Variants in SYT1 observed in about 807,000 individuals in gnomAD.
SYT1 encodes the protein synaptotagmin 1, also known as synaptotagmin-1.
In SYT1, 8 loss-of-function variants were observed where a neutral mutation model predicts 44.8. The observed-to-expected ratio is 0.18, with a 90% confidence interval of 0.10 to 0.32. The LOEUF (loss-of-function observed/expected upper bound fraction) is 0.32, where lower values mean the gene tolerates loss of function less well. Among genes scored for constraint, SYT1 ranks in the 10% least tolerant of loss-of-function variants. The probability of loss-of-function intolerance (pLI) is 1.00; values close to 1 mark genes in which losing one functional copy is unlikely to be tolerated. For synonymous variants in SYT1, 154 were observed against 188.8 expected (o/e 0.82, Z 1.51); for missense variants, 286 against 509.3 (o/e 0.56, Z 4.22).
chr12:79,422,203 T>C (rs1869163039), intron 9 of SYT1, among the ~76,000 whole-genome samples: 1 of 152,234 alleles, frequency 6.6e-6, no homozygotes, highest in South Asian at 2.1e-4. Flanking sequence ...ATCTTTGAGC[T>C]CTTGTTTTTC....
At chr12:79,346,623 G>A (rs1882618365) in intron 8 of SYT1, among the ~76,000 whole-genome samples, 1 of 152,138 alleles carries the variant, frequency 6.6e-6, no homozygotes, top group African/African-American at 2.4e-5. Context: ...CTCCAGAAAT[G>A]GTTTTGTTTC....
intron 3 of SYT1, among the ~76,000 whole-genome samples, chr12:79,084,576 GA>G (rs747573831): frequency 8.2e-4 from 125 of 152,250 alleles, no homozygotes; most frequent in Non-Finnish European, 1.3e-3. Context: ...TGGACTTGCA[GA>G]GGATATGACA....
At chr12:79,075,684 G>T (rs1023975356) in intron 3 of SYT1, among the ~76,000 whole-genome samples, 2 of 152,052 alleles carry the variant, frequency 1.3e-5, no homozygotes, top group African/African-American at 4.8e-5. Flanking sequence ...TCTGCAGTTT[G>T]TGATACAACT....
At chr12:79,438,354 G>A (rs907132972) in intron 9 of SYT1, among the ~76,000 whole-genome samples, 3 of 152,184 alleles carry the variant, frequency 2.0e-5, no homozygotes, top group African/African-American at 7.2e-5. Context: ...ACTAGGTGGA[G>A]GTGATAGTTC....
chr12:79,118,316 A>C (rs1379826539), intron 3 of SYT1, among the ~76,000 whole-genome samples: 1 of 152,234 alleles, frequency 6.6e-6, no homozygotes, highest in Non-Finnish European at 1.5e-5. Context: ...TCAAGAAATC[A>C]GCAGTCTCTA....
intron 10 of SYT1, among the ~76,000 whole-genome samples, chr12:79,447,886 G>A (rs1160891892): frequency 6.6e-6 from 1 of 151,934 alleles, no homozygotes; most frequent in Non-Finnish European, 1.5e-5. Flanking sequence ...TCCACTAAAG[G>A]GCCCTAACTC....
chr12:78,924,122 A>G (rs1472482315), intron 1 of SYT1, among the ~76,000 whole-genome samples: 3 of 151,878 alleles, frequency 2.0e-5, no homozygotes, highest in Non-Finnish European at 4.4e-5. Context: ...TATTCTATGC[A>G]CTTTTGGTGG....
chr12:79,082,640 A>C (rs1867395663), intron 3 of SYT1, among the ~76,000 whole-genome samples: 1 of 152,222 alleles, frequency 6.6e-6, no homozygotes, highest in Non-Finnish European at 1.5e-5. Context: ...GATGGCTTGA[A>C]TATATCCCTG....
At chr12:79,281,268 T>C (rs1354048106) in intron 4 of SYT1, among the ~76,000 whole-genome samples, 1 of 152,024 alleles carries the variant, frequency 6.6e-6, no homozygotes. Context: ...CATCAATGGA[T>C]GAGTGGATAA....
At chr12:79,250,514 C>G (rs1253289393) in intron 4 of SYT1, among the ~76,000 whole-genome samples, 3 of 152,160 alleles carry the variant, frequency 2.0e-5, no homozygotes, top group African/African-American at 7.2e-5. Flanking sequence ...TGGTATATCT[C>G]TGCAGTGTTT....
intron 3 of SYT1, among the ~76,000 whole-genome samples, chr12:79,181,899 T>C (rs1233747793): frequency 3.3e-5 from 5 of 152,032 alleles, no homozygotes; most frequent in African/African-American, 1.2e-4. Context: ...CTCTTTCTCC[T>C]AGACAACCCC....
rs371833375 is a variant in SYT1 at position 79,178,948 on chromosome 12, A to ATCTATATC, written c.-17-38555_-17-38554insTCTATATC. 1.3e-4 allele frequency among the ~76,000 whole-genome samples: 7 copies of ATCTATATC among 53,298 alleles called. 2 individuals carry two copies. Among genetic ancestry groups the ATCTATATC allele is most frequent in the Middle Eastern group, 0.029 (2 of 70 alleles). The allele number at this position is 53,298 out of a possible 152,430, so 35.0% of individuals were successfully genotyped here. A position where few individuals can be genotyped will look rare whatever the true frequency, so the allele number is the denominator to read the frequency against. ...GATATATCTATATAGATATAGATAT[A>ATCTATATC]GATATAGATATAGATATAGATATAT... On this transcript the variant is annotated intron_variant, in intron 3 of 10. Coordinates refer to ENST00000261205, the MANE Select transcript of SYT1 (RefSeq NM_005639.3).
intron 1 of SYT1, 101 bp downstream of exon 1, chr12:78,865,210 G>A (rs376410081): frequency 6.6e-6 from 1 of 152,208 alleles, no homozygotes; most frequent in African/African-American, 2.4e-5. Flanking sequence ...TTTAGTGGTG[G>A]GAGTCTGAGA....
At chr12:79,100,867 C>T (rs1053579900) in intron 3 of SYT1, among the ~76,000 whole-genome samples, 1 of 151,804 alleles carries the variant, frequency 6.6e-6, no homozygotes, top group African/African-American at 2.4e-5. Flanking sequence ...TGGTTTAATC[C>T]TTATATGTAA....
intron 1 of SYT1, among the ~76,000 whole-genome samples, chr12:78,865,349 T>C (rs1245679911): frequency 2.0e-5 from 3 of 152,086 alleles, no homozygotes; most frequent in African/African-American, 4.8e-5. Flanking sequence ...CCCCATCTTC[T>C]TGCTTCCTCT....
At chr12:79,441,788 A>C (rs940641881) in intron 9 of SYT1, among the ~76,000 whole-genome samples, 1 of 152,218 alleles carries the variant, frequency 6.6e-6, no homozygotes, top group African/African-American at 2.4e-5. Flanking sequence ...AACATGCAGA[A>C]GGAGGTGCAA....
chr12:79,375,103 TC>T lies in SYT1; in HGVS notation c.928+21485del, dbSNP rs370588937. On this transcript the variant is annotated intron_variant, in intron 9 of 10. Coordinates refer to ENST00000261205, the MANE Select transcript of SYT1 (RefSeq NM_005639.3). The stretch of plus-strand genomic sequence containing the variant: ...AATTTTATATGTCATGAAATATTAA[TC>T]TTTTTTATTTTTTTCAACTCTAAAA... Among the ~76,000 whole-genome samples, 13 of 152,322 alleles carry T rather than the reference TC, an allele frequency of 8.5e-5. No individual in the cohort carries two copies. In the East Asian group the frequency reaches 2.1e-3, roughly 25 times the overall value.
chr12:79,444,461 A>C (rs1870596606), intron 10 of SYT1, among the ~76,000 whole-genome samples: 1 of 152,190 alleles, frequency 6.6e-6, no homozygotes. Flanking sequence ...AATCAACAGA[A>C]CAACTCTGCT....
chr12:79,444,574 GA>G (rs1223035218), intron 10 of SYT1, among the ~76,000 whole-genome samples: 2 of 152,066 alleles, frequency 1.3e-5, no homozygotes, highest in Non-Finnish European at 2.9e-5. Flanking sequence ...GAGATCTTTA[GA>G]GCAAAAAATA....
Sources: gnomAD v4.1 joint callset for allele counts (sites outside exome capture counted in the v4.1 genomes callset) on GRCh38, gnomAD v4.1.1 for gene constraint, MANE v1.5 for transcripts, NCBI Gene and HGNC (gene_info 2026-07-23, HGNC 2026-07-21) for gene names.